Variants in LCLAT1 observed in about 807,000 individuals in gnomAD.
The protein encoded by LCLAT1 is 1-AGP acyltransferase 8.
Under a neutral mutation model 30.7 loss-of-function variants are expected in LCLAT1, and 11 were observed. That is an observed-to-expected ratio of 0.36 (90% CI 0.23 to 0.59). The LOEUF (loss-of-function observed/expected upper bound fraction) is 0.59, where lower values mean the gene tolerates loss of function less well. Ranked by LOEUF, LCLAT1 falls within the 20% of genes least tolerant of loss-of-function variation. The probability of loss-of-function intolerance (pLI) is 0.77; values close to 1 mark genes in which losing one functional copy is unlikely to be tolerated. For synonymous variants in LCLAT1, 155 were observed against 151.3 expected (o/e 1.02, Z -0.18); for missense variants, 402 against 458.6 (o/e 0.88, Z 1.13).
At chr2:30,574,835 G>T (rs1241883646) in intron 5 of LCLAT1, among the ~76,000 whole-genome samples, 12 of 152,164 alleles carry the variant, frequency 7.9e-5, no homozygotes, top group Admixed American at 7.9e-4. Context: ...CAGACTAAGG[G>T]AAATTGAAGA....
At chr2:30,476,478 A>G (rs764968234) in intron 1 of LCLAT1, 1 of 456,620 alleles carries the variant, frequency 2.2e-6, no homozygotes, top group South Asian at 1.5e-5. Flanking sequence ...TCTTACAGGA[A>G]CGCAGGCCCT....
intron 5 of LCLAT1, among the ~76,000 whole-genome samples, chr2:30,572,228 ATCT>A (rs936194502): frequency 5.9e-5 from 9 of 152,252 alleles, no homozygotes; most frequent in East Asian, 1.9e-4. Flanking sequence ...TTTAGGACAG[ATCT>A]TCTTGTGTTT....
At chr2:30,623,026 G>A (rs559602955) in intron 5 of LCLAT1, among the ~76,000 whole-genome samples, 1 of 150,642 alleles carries the variant, frequency 6.6e-6, no homozygotes, top group South Asian at 2.1e-4. Context: ...ACCAGAGAAA[G>A]GTGAATACCA....
intron 1 of LCLAT1, among the ~76,000 whole-genome samples, chr2:30,514,982 TC>T (rs1372003247): frequency 1.3e-5 from 2 of 152,244 alleles, no homozygotes; most frequent in Non-Finnish European, 2.9e-5. Context: ...TTCTTGGCCA[TC>T]CTGGCCTGGG....
intron 4 of LCLAT1, among the ~76,000 whole-genome samples, chr2:30,567,138 AT>A (rs1665524387): frequency 6.6e-6 from 1 of 152,148 alleles, no homozygotes; most frequent in Non-Finnish European, 1.5e-5. Flanking sequence ...TTTTATTAGC[AT>A]TTTATATTTT....
At chr2:30,609,972 A>G (rs937995636) in intron 5 of LCLAT1, among the ~76,000 whole-genome samples, 3 of 152,086 alleles carry the variant, frequency 2.0e-5, no homozygotes, top group African/African-American at 7.2e-5. Flanking sequence ...GATACTTTTG[A>G]TGTGATGAAT....
intron 1 of LCLAT1, among the ~76,000 whole-genome samples, chr2:30,479,360 G>T (rs1378779653): frequency 6.6e-6 from 1 of 152,000 alleles, no homozygotes; most frequent in Non-Finnish European, 1.5e-5. Flanking sequence ...CTCCCAAGTA[G>T]TTGGGACCAC....
chr2:30,475,881 C>T (rs1465860118), intron 1 of LCLAT1, among the ~76,000 whole-genome samples: 2 of 152,176 alleles, frequency 1.3e-5, no homozygotes, highest in Non-Finnish European at 2.9e-5. Context: ...AGGTTTCTCT[C>T]TCTATAAGTG....
At chr2:30,611,454 G>A (rs914831847) in intron 5 of LCLAT1, among the ~76,000 whole-genome samples, 1 of 152,048 alleles carries the variant, frequency 6.6e-6, no homozygotes. Context: ...CTAGCATGTG[G>A]AACTTTCTGA....
Position 30,606,933 on chromosome 2 carries a change from C to G in LCLAT1, c.629-33184C>G, listed in dbSNP as rs370211991. On this transcript the variant is annotated intron_variant, in intron 5 of 5. Transcript: ENST00000379509. ...TAAAAAAGTGGGCAAGGGACATGAA[C>G]AGACACTTCTCAAAAGAAGACATTT... The G allele has an allele frequency of 1.3e-5, 2 of 152,074 alleles. 1 individual carries two copies. Among genetic ancestry groups the G allele is most frequent in the East Asian group, 3.9e-4 (2 of 5,190 alleles). 9.4% of individuals were successfully genotyped at this position (152,074 alleles called of 1,614,324 possible).
intron 5 of LCLAT1, among the ~76,000 whole-genome samples, chr2:30,599,604 A>G (rs764017580): frequency 1.6e-4 from 25 of 152,316 alleles, no homozygotes; most frequent in Admixed American, 8.5e-4. Context: ...GTAGGTCTCT[A>G]AGACCTTGTT....
chr2:30,529,868 G>A (rs1420581679), intron 2 of LCLAT1, among the ~76,000 whole-genome samples: 1 of 152,168 alleles, frequency 6.6e-6, no homozygotes, highest in Non-Finnish European at 1.5e-5. Flanking sequence ...CCTAATCTGA[G>A]CCTGAAAAGC....
intron 5 of LCLAT1, among the ~76,000 whole-genome samples, chr2:30,587,154 T>G (rs1297536322): frequency 2.0e-5 from 3 of 152,218 alleles, no homozygotes; most frequent in Non-Finnish European, 4.4e-5. Context: ...CTAGAAACAT[T>G]CTCTGCCTTG....
intron 5 of LCLAT1, among the ~76,000 whole-genome samples, chr2:30,592,133 C>G (rs548648373): frequency 6.6e-6 from 1 of 152,314 alleles, no homozygotes; most frequent in South Asian, 2.1e-4. Context: ...CCTCTTCAAT[C>G]TGTTTCCCAT....
intron 1 of LCLAT1, among the ~76,000 whole-genome samples, chr2:30,520,961 C>T (rs973849933): frequency 2.0e-5 from 3 of 152,086 alleles, no homozygotes; most frequent in Non-Finnish European, 4.4e-5. Context: ...ACCTACTGGG[C>T]TACATTTTCA....
chr2:30,612,358 A>G (rs1363341304), intron 5 of LCLAT1, among the ~76,000 whole-genome samples: 3 of 152,164 alleles, frequency 2.0e-5, no homozygotes, highest in East Asian at 1.9e-4. Flanking sequence ...TCAAACTAAC[A>G]TAAGCTCCTT....
intron 5 of LCLAT1, among the ~76,000 whole-genome samples, chr2:30,635,226 T>TTA (rs1013723726): frequency 2.0e-3 from 297 of 145,906 alleles, no homozygotes; most frequent in African/African-American, 4.8e-3. Context: ...ACCCCTGTCT[T>TTA]TATATATATA....
chr2:30,521,492 C>CTTCTTT (rs1685473723), intron 1 of LCLAT1, among the ~76,000 whole-genome samples: 2 of 16,816 alleles, frequency 1.2e-4, no homozygotes, highest in Non-Finnish European at 2.2e-4. Flanking sequence ...ACTACTTCTT[C>CTTCTTT]TTTTTTTTTT....
intron 5 of LCLAT1, among the ~76,000 whole-genome samples, chr2:30,605,696 G>A (rs1667403578): frequency 6.6e-6 from 1 of 152,146 alleles, no homozygotes; most frequent in African/African-American, 2.4e-5. Context: ...TTTAAAGAAA[G>A]AAAGGTATAA....
Sources: allele counts gnomAD v4.1 joint callset (sites outside exome capture counted in the v4.1 genomes callset), GRCh38; gene constraint gnomAD v4.1.1; transcripts MANE v1.5; gene names NCBI Gene and HGNC (gene_info 2026-07-23, HGNC 2026-07-21).